Variants in RELB observed in about 807,000 individuals in gnomAD.
The protein encoded by RELB is transcription factor RelB.
In RELB, 14 loss-of-function variants were observed where a neutral mutation model predicts 55.4. The observed-to-expected ratio is 0.25, with a 90% CI of 0.17 to 0.40. RELB has a LOEUF of 0.40. Among genes scored for constraint, RELB ranks in the 10% least tolerant of loss-of-function variants. The pLI, the probability that RELB is intolerant of heterozygous loss-of-function variation, is 1.00. For missense variants in RELB, 669 were observed against 830.7 expected (o/e 0.81, Z 2.39); for synonymous variants, 409 against 371.3 (o/e 1.10, Z -1.17).
chr19:45,024,107 C>CT (rs1568402345), intron 5 of RELB, among the ~76,000 whole-genome samples: 1 of 150,408 alleles, frequency 6.6e-6, no homozygotes, highest in African/African-American at 2.4e-5. Context: ...TCCCAAAGTG[C>CT]TGGGATTACA....
chr19:45,034,659 C>G, intron 11 of RELB, 131 bp downstream of exon 11: 1 of 695,142 alleles, frequency 1.4e-6, no homozygotes, highest in South Asian at 1.8e-5. Context: ...TAGCCAGCAA[C>G]ATAGAGTAGA....
chr19:45,037,935 G>A lies in RELB; in HGVS notation c.*145G>A. On this transcript the variant is annotated 3_prime_UTR_variant, in exon 12 of 12. Coordinates refer to ENST00000221452, the MANE Select transcript of RELB (RefSeq NM_006509.4). ...ATATTCAGCCTTGGCGAGAAGCTCC[G>A]TTGCACGGGTTTCCCCTTGAGCCCA... 1 of 760,434 alleles carries A rather than the reference G, an allele frequency of 1.3e-6. No homozygotes were observed. Among genetic ancestry groups the A allele is most frequent in the Non-Finnish European group, 1.9e-6 (1 of 530,084 alleles). 47.1% of individuals were successfully genotyped at this position (760,434 alleles called of 1,614,324 possible).
Position 45,020,643 on chromosome 19 carries a change from C to T in RELB, c.505-1410C>T, listed in dbSNP as rs186574501. Among the ~76,000 whole-genome samples, 504 of 149,986 alleles carry T rather than the reference C, an allele frequency of 3.4e-3. 10 individuals are homozygous for T. The highest frequency in any genetic ancestry group is 0.024 in the Admixed American group (353 of 14,860). On this transcript the variant is annotated intron_variant, in intron 4 of 11. Transcript: ENST00000221452. ...CGCGATCTTGGCTCACTGCAAGCTC[C>T]GCCTCCCGGGTTCACGCCATTCTTC...
At chr19:45,008,000 C>CAAAAAAA (rs57007961) in intron 2 of RELB, among the ~76,000 whole-genome samples, 36 of 62,990 alleles carry the variant, frequency 5.7e-4, no homozygotes, top group South Asian at 1.6e-3. Flanking sequence ...GCTAAAAATA[C>CAAAAAAA]AAAAAAAAAA....
intron 1 of RELB, among the ~76,000 whole-genome samples, chr19:45,002,521 T>C (rs962335998): frequency 6.6e-6 from 1 of 151,958 alleles, no homozygotes; most frequent in Admixed American, 6.6e-5. Flanking sequence ...CCCGGCTAAT[T>C]TTTGTAGTTT....
chr19:45,002,530 T>C (rs1350876709), intron 1 of RELB, among the ~76,000 whole-genome samples: 1 of 151,984 alleles, frequency 6.6e-6, no homozygotes, highest in Non-Finnish European at 1.5e-5. Context: ...TTTTTGTAGT[T>C]TTACTAGAGA....
At chr19:45,016,510 T>C (rs1971422506) in intron 4 of RELB, among the ~76,000 whole-genome samples, 1 of 151,930 alleles carries the variant, frequency 6.6e-6, no homozygotes, top group African/African-American at 2.4e-5. Flanking sequence ...ACGTGCAGGG[T>C]TGCGGTTGGT....
intron 11 of RELB, 95 bp from the exon 12 acceptor site, chr19:45,037,310 T>G: frequency 1.6e-6 from 2 of 1,253,334 alleles, no homozygotes; most frequent in South Asian, 1.6e-5. Flanking sequence ...GCCACCTTGA[T>G]ATCACATTTT....
At chr19:45,030,680 C>T (rs1971610397) in intron 8 of RELB, among the ~76,000 whole-genome samples, 1 of 151,984 alleles carries the variant, frequency 6.6e-6, no homozygotes, top group African/African-American at 2.4e-5. Flanking sequence ...TGCCTGTAGT[C>T]CCAGCACTTG....
In RELB at chr19:45,001,468, C is replaced by G. The variant is rs1749407268; in HGVS notation, c.-112C>G. ...CGGCCCGGCCCCGCGCCCCGCGCAG[C>G]CCCGGGCGCCGCGCGTCCTGCCCGG... On this transcript the variant is annotated 5_prime_UTR_variant, in exon 1 of 12. Coordinates refer to ENST00000221452, the MANE Select transcript of RELB (RefSeq NM_006509.4). 1 of 242,984 alleles carries G rather than the reference C, an allele frequency of 4.1e-6. No homozygotes were observed. The allele number at this position is 242,984 out of a possible 1,614,324, so 15.1% of individuals were successfully genotyped here. A position where few individuals can be genotyped will look rare whatever the true frequency, so the allele number is the denominator to read the frequency against.
chr19:45,012,254 G>A lies in RELB; in HGVS notation c.482G>A (p.Ser161Asn). Reference protein sequence around the residue: ...SILGESSTEASKTLPAIELRD... With the variant: ...SILGESSTEANKTLPAIELRD... ...CTTGGGGAGAGCAGCACCGAGGCCAGCAAGACGCTGCCCGCCATCGAGGTG... is the reference window on the plus strand; with the variant it reads ...CTTGGGGAGAGCAGCACCGAGGCCAACAAGACGCTGCCCGCCATCGAGGTG... The change falls in exon 4 of 12, where the codon AGC (serine) becomes AAC (asparagine). Residue 161 changes from serine (S) to asparagine (N), a missense_variant. Coordinates refer to ENST00000221452, the MANE Select transcript of RELB (RefSeq NM_006509.4). 1 of 1,428,746 alleles carries A rather than the reference G, an allele frequency of 7.0e-7. No individual in the cohort carries two copies. The highest frequency in any genetic ancestry group is 9.1e-7 in the Non-Finnish European group (1 of 1,100,466). 88.5% of individuals were successfully genotyped at this position (1,428,746 alleles called of 1,614,324 possible). A position where few individuals can be genotyped will look rare whatever the true frequency, so the allele number is the denominator to read the frequency against.
intron 11 of RELB, among the ~76,000 whole-genome samples, 166 bp from the exon 12 acceptor site, chr19:45,037,239 G>T (rs1432559927): frequency 6.7e-6 from 1 of 150,186 alleles, no homozygotes; most frequent in African/African-American, 2.5e-5. Context: ...CCAAGAGCAC[G>T]TCATTGCACT....
intron 4 of RELB, among the ~76,000 whole-genome samples, chr19:45,021,487 C>G (rs1971487527): frequency 6.8e-6 from 1 of 147,766 alleles, no homozygotes; most frequent in African/African-American, 2.5e-5. Flanking sequence ...CCTGAGTGGC[C>G]TAAAAAAGCA....
chr19:45,009,900 T>A, intron 3 of RELB, 78 bp downstream of exon 3: 2 of 1,279,654 alleles, frequency 1.6e-6, no homozygotes, highest in Non-Finnish European at 2.2e-6. Flanking sequence ...CCTTCCTTGT[T>A]CAGTGGGGGT....
intron 2 of RELB, among the ~76,000 whole-genome samples, chr19:45,009,344 G>T (rs899549241): frequency 6.6e-6 from 1 of 152,132 alleles, no homozygotes; most frequent in Admixed American, 6.6e-5. Context: ...GCCTCCCAAA[G>T]TGCTGGGATT....
chr19:45,032,808 G>T, intron 9 of RELB, 59 bp downstream of exon 9: 1 of 1,438,558 alleles, frequency 7.0e-7, no homozygotes, highest in Non-Finnish European at 9.5e-7. Context: ...TGGCCTTGGG[G>T]AGACCCCAGT....
intron 4 of RELB, among the ~76,000 whole-genome samples, chr19:45,015,065 G>A (rs1971406764): frequency 6.6e-6 from 1 of 151,778 alleles, no homozygotes; most frequent in Non-Finnish European, 1.5e-5. Flanking sequence ...ACCATGCCCA[G>A]CTAATTTTTG....
intron 8 of RELB, among the ~76,000 whole-genome samples, chr19:45,030,471 A>C (rs1001566383): frequency 1.2e-4 from 19 of 152,128 alleles, no homozygotes; most frequent in African/African-American, 4.6e-4. Flanking sequence ...GTCTCTACTA[A>C]AAATATAAAA....
intron 2 of RELB, among the ~76,000 whole-genome samples, chr19:45,003,918 T>TG (rs1211695602): frequency 1.1e-5 from 1 of 90,874 alleles, no homozygotes; most frequent in Non-Finnish European, 2.0e-5. Flanking sequence ...TTTTTGTGTT[T>TG]TTTTTTTTTT....
Sources: gnomAD v4.1 joint callset for allele counts (sites outside exome capture counted in the v4.1 genomes callset) on GRCh38, gnomAD v4.1.1 for gene constraint, MANE v1.5 for transcripts, NCBI Gene and HGNC (gene_info 2026-07-23, HGNC 2026-07-21) for gene names.